Variants in COA7 observed in about 807,000 individuals in gnomAD.
The protein encoded by COA7 is Sel1 repeat containing 1.
Under a neutral mutation model 21.0 loss-of-function variants are expected in COA7, and 12 were observed. That is an observed-to-expected ratio of 0.57 (90% CI 0.37 to 0.92). The LOEUF is 0.92. COA7 is among the 40% of genes least tolerant of loss of function. COA7 has a pLI of 0.01. For missense variants in COA7, 240 were observed against 286.1 expected (o/e 0.84, Z 1.16); for synonymous variants, 95 against 107.4 (o/e 0.88, Z 0.72).
intron 1 of COA7, among the ~76,000 whole-genome samples, chr1:52,695,116 A>G (rs1170116186): frequency 6.6e-6 from 1 of 152,074 alleles, no homozygotes; most frequent in Non-Finnish European, 1.5e-5. Flanking sequence ...TAACATGGTG[A>G]AATCCCGTCT....
rs530669051 is a variant in COA7 at position 52,687,757 on chromosome 1, T to C, written c.659A>G (p.Glu220Gly). The C allele has an allele frequency of 8.7e-6, 14 of 1,614,232 alleles. No individual in the cohort carries two copies. In the South Asian group the frequency reaches 1.2e-4, roughly 14 times the overall value. ...TAAGGGTTGGACACCTTTCTGCTGT[T>C]CTTTGTGTAGCTGCTGGGCTCGATT... ...LKNRAQQLHKEQQKGVQPLTF... is the reference protein window; with the variant it reads ...LKNRAQQLHKGQQKGVQPLTF... The change falls in exon 3 of 3, where the codon GAA becomes GGA. Residue 220 changes from glutamate to glycine, a missense_variant. Around this residue, in one of 3 missense-constraint regions of COA7, gnomAD observed 163 missense variants for 214.1 expected, o/e 0.76. Coordinates refer to ENST00000371538, the MANE Select transcript of COA7 (RefSeq NM_023077.3).
rs1644014303 is a variant in COA7 at position 52,687,536 on chromosome 1, T to G, written c.*184A>C. ...AACACCCAGATAAAGGAATATTGAC[T>G]GAAATAAACATTGTAGGCTATACTC... On this transcript the variant is annotated 3_prime_UTR_variant, in exon 3 of 3. Coordinates refer to ENST00000371538, the MANE Select transcript of COA7 (RefSeq NM_023077.3). The G allele has an allele frequency of 3.2e-6, 2 of 616,222 alleles. No homozygotes were observed. The highest frequency in any genetic ancestry group is 5.8e-6 in the Non-Finnish European group (2 of 342,400). The allele number at this position is 616,222 out of a possible 1,614,324, so 38.2% of individuals were successfully genotyped here.
Position 52,698,300 on chromosome 1 carries a change from A to G in COA7, c.27T>C (p.Asp9=), listed in dbSNP as rs766313985. The part of the protein sequence containing the change: MAGMVDFQ[D]EEQVKSFLEN... ...CCAAAAAGGACTTGACCTGCTCCTC[A>G]TCCTGGAAGTCCACCATGCCGGCCA... The change falls in exon 1 of 3, where the codon GAT becomes GAC. Residue 9 remains aspartate (D), a synonymous_variant. Coordinates refer to ENST00000371538, the MANE Select transcript of COA7 (RefSeq NM_023077.3). 10 of 1,612,040 alleles carry G rather than the reference A, an allele frequency of 6.2e-6. No individual in the cohort carries two copies. Among genetic ancestry groups the G allele is most frequent in the South Asian group, 3.3e-5 (3 of 91,042 alleles).
chr1:52,688,281 T>C, intron 2 of COA7, 113 bp from the exon 3 acceptor site: 1 of 831,284 alleles, frequency 1.2e-6, no homozygotes, highest in Non-Finnish European at 1.8e-6. Context: ...TCTTGCTTTG[T>C]TAACCAGGCT....
intron 1 of COA7, among the ~76,000 whole-genome samples, chr1:52,695,430 A>C (rs1315982887): frequency 6.6e-6 from 1 of 151,926 alleles, no homozygotes; most frequent in Admixed American, 6.6e-5. Context: ...GCACCACTGC[A>C]CTCCAGCCTG....
In COA7 at chr1:52,687,650, G is replaced by A. The variant is rs942981926; in HGVS notation, c.*70C>T. The A allele has an allele frequency of 2.2e-5, 32 of 1,482,286 alleles. No homozygotes were observed. Among genetic ancestry groups the A allele is most frequent in the Non-Finnish European group, 2.7e-5 (29 of 1,085,898 alleles). 91.8% of individuals were successfully genotyped at this position (1,482,286 alleles called of 1,614,324 possible). ...TCCAGCAGGTTGACCTTCAAGGGCTGCATCAGTCTTCAGAAACAGGAGCTG... is the reference window on the plus strand; with the variant it reads ...TCCAGCAGGTTGACCTTCAAGGGCTACATCAGTCTTCAGAAACAGGAGCTG... On this transcript the variant is annotated 3_prime_UTR_variant, in exon 3 of 3. Coordinates refer to ENST00000371538, the MANE Select transcript of COA7 (RefSeq NM_023077.3).
chr1:52,694,702 A>G (rs964225715), intron 1 of COA7, among the ~76,000 whole-genome samples: 5 of 151,946 alleles, frequency 3.3e-5, no homozygotes, highest in Non-Finnish European at 2.9e-5. Flanking sequence ...TTTAAAGACA[A>G]TGAAATGGGA....
intron 1 of COA7, among the ~76,000 whole-genome samples, chr1:52,695,780 A>G (rs1201465566): frequency 6.6e-6 from 1 of 152,170 alleles, no homozygotes; most frequent in Admixed American, 6.6e-5. Context: ...GAACTACTAC[A>G]CCAGTCGCTA....
At chr1:52,693,619 AAAAG>A (rs1321001361) in intron 1 of COA7, among the ~76,000 whole-genome samples, 15 of 150,896 alleles carry the variant, frequency 9.9e-5, no homozygotes, top group African/African-American at 2.0e-4. Flanking sequence ...AAAAAAAAAA[AAAAG>A]AAAGAAAGAA....
chr1:52,694,461 G>GGA lies in COA7; in HGVS notation c.107-1595_107-1594insTC, dbSNP rs751466526. On this transcript the variant is annotated intron_variant, in intron 1 of 2. Coordinates refer to ENST00000371538, the MANE Select transcript of COA7 (RefSeq NM_023077.3). ...GGCAACAAGAGCAAAACTCCATCTC[G>GGA]AAAAAAAAAAAAAAAAAAAAGCCCA... 6.5e-4 allele frequency among the ~76,000 whole-genome samples: 42 copies of GGA among 64,970 alleles called. 3 individuals are homozygous for GGA. Among genetic ancestry groups the GGA allele is most frequent in the African/African-American group, 7.2e-4 (13 of 18,174 alleles). The allele number at this position is 64,970 out of a possible 152,430, so 42.6% of individuals were successfully genotyped here.
At position 52,687,908 on chromosome 1, in the gene COA7, G is replaced by A; in HGVS notation, c.508C>T (p.Leu170=). 6.2e-7 allele frequency: 1 copy of A among 1,614,192 alleles called. No homozygotes were observed. Among genetic ancestry groups the A allele is most frequent in the South Asian group, 1.1e-5 (1 of 91,090 alleles). The part of the protein sequence containing the change: ...GAPGFPKDMD[L]ACKYSMKACD... ...GCTTTCATGGAGTATTTACATGCCA[G>A]GTCCATGTCCTTGGGAAAGCCTGGG... The change falls in exon 3 of 3, where the codon CTG becomes TTG. Residue 170 remains leucine, a synonymous_variant. Coordinates refer to ENST00000371538, the MANE Select transcript of COA7 (RefSeq NM_023077.3).
rs1176219429 is a variant in COA7 at position 52,685,421 on chromosome 1, T to C, written c.*2299A>G. ...CACCTGTCTATCTTCTTTGCTGAGATATGTTAAGGGTTTTGGCCTGTTTTT... is the reference window on the plus strand; with the variant it reads ...CACCTGTCTATCTTCTTTGCTGAGACATGTTAAGGGTTTTGGCCTGTTTTT... On this transcript the variant is annotated 3_prime_UTR_variant, in exon 3 of 3. Coordinates refer to ENST00000371538, the MANE Select transcript of COA7 (RefSeq NM_023077.3). The C allele has an allele frequency of 1.3e-5, 2 of 152,244 alleles. No homozygotes were observed. Among genetic ancestry groups the C allele is most frequent in the South Asian group, 2.1e-4 (1 of 4,836 alleles). 9.4% of individuals were successfully genotyped at this position (152,244 alleles called of 1,614,324 possible).
intron 2 of COA7, among the ~76,000 whole-genome samples, chr1:52,691,634 G>T (rs1280692789): frequency 6.6e-6 from 1 of 151,744 alleles, no homozygotes; most frequent in African/African-American, 2.4e-5. Flanking sequence ...ACCACGCCCA[G>T]CTAATTTTTT....
chr1:52,690,977 A>G lies in COA7; in HGVS notation c.247+1750T>C, dbSNP rs77639011. On this transcript the variant is annotated intron_variant, in intron 2 of 2. Coordinates refer to ENST00000371538, the MANE Select transcript of COA7 (RefSeq NM_023077.3). ...CAAAAATTAGCTGGGTGGTAGTGGC[A>G]AACGCCCCTGTAATCCCAGCTACTC... Among the ~76,000 whole-genome samples the G allele has an allele frequency of 5.7e-3, 862 of 152,078 alleles. 45 individuals are homozygous for G. In the East Asian group the frequency reaches 0.14, roughly 24 times the overall value.
At chr1:52,692,950 G>T in intron 1 of COA7, 83 bp from the exon 2 acceptor site, 1 of 1,470,524 alleles carries the variant, frequency 6.8e-7, no homozygotes, top group Non-Finnish European at 9.4e-7. Flanking sequence ...GTGCCCAGGT[G>T]TGGCAGGCCA....
At chr1:52,689,400 C>T (rs528776352) in intron 2 of COA7, among the ~76,000 whole-genome samples, 15 of 151,030 alleles carry the variant, frequency 9.9e-5, no homozygotes, top group Middle Eastern at 3.4e-3. Flanking sequence ...ATGATCCGCC[C>T]GCCTCAGCCT....
At position 52,695,297 on chromosome 1, in the gene COA7, GAAAAAAAAAAAA is replaced by G. The variant is rs35222338; in HGVS notation, c.107-2442_107-2431del. Among the ~76,000 whole-genome samples, 341 of 68,230 alleles carry G rather than the reference GAAAAAAAAAAAA, an allele frequency of 5.0e-3. 3 individuals carry two copies. Among genetic ancestry groups the G allele is most frequent in the African/African-American group, 0.019 (333 of 17,488 alleles). 44.8% of individuals were successfully genotyped at this position (68,230 alleles called of 152,430 possible). A position where few individuals can be genotyped will look rare whatever the true frequency, so the allele number is the denominator to read the frequency against. On this transcript the variant is annotated intron_variant, in intron 1 of 2. Transcript: ENST00000371538. ...CAACAGAGCAAGACTCAGCCTCAGG[GAAAAAAAAAAAA>G]AAAAAAAAAGCCAGGCGTGGTGGAA...
intron 1 of COA7, among the ~76,000 whole-genome samples, chr1:52,696,797 A>C (rs550813887): frequency 1.3e-3 from 195 of 147,118 alleles, no homozygotes; most frequent in African/African-American, 4.5e-3. Context: ...CCACCACACC[A>C]GTCCTTTATT....
chr1:52,696,110 A>C (rs1644082302), intron 1 of COA7, among the ~76,000 whole-genome samples: 1 of 152,028 alleles, frequency 6.6e-6, no homozygotes, highest in Non-Finnish European at 1.5e-5. Flanking sequence ...CCTGTTCCTT[A>C]GTGACCCCAA....
Sources: allele counts gnomAD v4.1 joint callset (sites outside exome capture counted in the v4.1 genomes callset), GRCh38; gene constraint gnomAD v4.1.1; regional missense constraint gnomAD v4.1.1; transcripts MANE v1.5; gene names NCBI Gene and HGNC (gene_info 2026-07-23, HGNC 2026-07-21).